PIK3AP1: variants seen among roughly 807,000 people sequenced by gnomAD.
The protein encoded by PIK3AP1 is phosphoinositide-3-kinase adaptor protein 1.
A neutral mutation model predicts 88.1 loss-of-function variants in PIK3AP1; 21 were observed. The ratio of observed to expected loss-of-function variants is 0.24; its 90% CI spans 0.17 to 0.34. The LOEUF (loss-of-function observed/expected upper bound fraction) is 0.34. PIK3AP1 is among the 10% of genes least tolerant of loss of function. The probability of loss-of-function intolerance (pLI) is 1.00; values close to 1 mark genes in which losing one functional copy is unlikely to be tolerated. For synonymous variants in PIK3AP1, 398 were observed against 400.0 expected, an observed-to-expected ratio of 1.00 and a Z score of 0.06; for missense variants, 828 against 1,035.7, an observed-to-expected ratio of 0.80 and a Z score of 2.75.
intron 8 of PIK3AP1, 44 bp downstream of exon 8, chr10:96,645,429 T>C (rs1026436264): frequency 4.1e-5 from 65 of 1,592,970 alleles, no homozygotes; most frequent in Non-Finnish European, 5.5e-5. Flanking sequence ...AAAAAGCTGT[T>C]TCTCAGCAGA....
chr10:96,711,995 C>G (rs972279806), intron 1 of PIK3AP1, among the ~76,000 whole-genome samples: 9 of 151,796 alleles, frequency 5.9e-5, no homozygotes, highest in Non-Finnish European at 1.5e-5. Context: ...ACCTCGTGAT[C>G]CACCCACCTC....
At chr10:96,631,444 A>G (rs1176373422) in intron 8 of PIK3AP1, among the ~76,000 whole-genome samples, 1 of 152,216 alleles carries the variant, frequency 6.6e-6, no homozygotes, top group Non-Finnish European at 1.5e-5. Context: ...GAATTTAGGG[A>G]AATAAAATGT....
At chr10:96,599,963 C>T (rs774847199) in intron 16 of PIK3AP1, among the ~76,000 whole-genome samples, 10 of 152,056 alleles carry the variant, frequency 6.6e-5, no homozygotes, top group South Asian at 2.1e-4. Context: ...CCTGTTTCCC[C>T]GGTTGTCTTC....
intron 2 of PIK3AP1, among the ~76,000 whole-genome samples, chr10:96,701,079 G>T (rs1844292077): frequency 6.6e-6 from 1 of 152,252 alleles, no homozygotes; most frequent in Admixed American, 6.5e-5. Flanking sequence ...CAACTTGAAG[G>T]CTTTTTCAAA....
chr10:96,717,589 A>G (rs1020254904), intron 1 of PIK3AP1, among the ~76,000 whole-genome samples: 3 of 152,218 alleles, frequency 2.0e-5, no homozygotes, highest in African/African-American at 7.2e-5. Flanking sequence ...AGTCCCTTCA[A>G]GCTCCATGGT....
In PIK3AP1 at chr10:96,690,582, C is replaced by T. The variant is rs1048166111; in HGVS notation, c.430+18985G>A. 4.6e-5 allele frequency among the ~76,000 whole-genome samples: 7 copies of T among 152,244 alleles called. No individual in the cohort carries two copies. In the South Asian group the frequency reaches 8.3e-4, roughly 18 times the overall value. On this transcript the variant is annotated intron_variant, in intron 2 of 16. Transcript: ENST00000339364. The stretch of plus-strand genomic sequence containing the variant: ...CCCAAAAGTCCAAAATTAAACACTC[C>T]CCGTTCTTTCTCTATTCCTCAGGCC...
intron 11 of PIK3AP1, among the ~76,000 whole-genome samples, chr10:96,622,088 G>A (rs1843091903): frequency 6.6e-6 from 1 of 152,232 alleles, no homozygotes; most frequent in Non-Finnish European, 1.5e-5. Flanking sequence ...GCAGCATGAG[G>A]CACAGTGATT....
At chr10:96,687,272 AAAAAAAAAAAAAAG>A (rs1455362208) in intron 2 of PIK3AP1, among the ~76,000 whole-genome samples, 15 of 149,194 alleles carry the variant, frequency 1.0e-4, no homozygotes, top group African/African-American at 3.5e-4. Flanking sequence ...AAAAAAAAAA[AAAAAAAAAAAAAAG>A]AAAAAAGATC....
At chr10:96,620,633 G>C in intron 11 of PIK3AP1, 76 bp from the exon 12 acceptor site, 4 of 1,290,392 alleles carry the variant, frequency 3.1e-6, no homozygotes, top group Non-Finnish European at 4.4e-6. Flanking sequence ...GGTTAATGAG[G>C]CTGGTCACAG....
chr10:96,627,537 G>A (rs1449829580), intron 9 of PIK3AP1, among the ~76,000 whole-genome samples: 1 of 152,184 alleles, frequency 6.6e-6, no homozygotes, highest in Admixed American at 6.5e-5. Flanking sequence ...CCAGGCTGTG[G>A]TTTGTCTACC....
In PIK3AP1 at chr10:96,652,755, A is replaced by T. The variant is rs1433385344; in HGVS notation, c.655T>A (p.Ser219Thr). The T allele has an allele frequency of 1.2e-6, 2 of 1,614,022 alleles. No homozygotes were observed. The highest frequency in any genetic ancestry group is 2.2e-5 in the South Asian group (2 of 91,084). ...TCCACCTTGGCTTCCATCCTTACAG[A>T]GGGAGAATCCTCAGGAGAAAACTCT... Reference protein sequence around the residue: ...EAEFSPEDSPSVRMEAKVENE... With the variant: ...EAEFSPEDSPTVRMEAKVENE... The change falls in exon 4 of 17, where the codon TCT becomes ACT. Residue 219 changes from serine (S) to threonine (T), a missense_variant. Physicochemically the swap from Ser to Thr is moderately conservative, Grantham distance 58 (BLOSUM62 1). Coordinates refer to ENST00000339364, the MANE Select transcript of PIK3AP1 (RefSeq NM_152309.3).
At chr10:96,654,011 TCCTG>T (rs1455590061) in intron 3 of PIK3AP1, among the ~76,000 whole-genome samples, 1 of 152,140 alleles carries the variant, frequency 6.6e-6, no homozygotes, top group African/African-American at 2.4e-5. Flanking sequence ...CTCAGGCCCC[TCCTG>T]GCCCCACTGA....
At chr10:96,654,078 G>A (rs1210909062) in intron 3 of PIK3AP1, among the ~76,000 whole-genome samples, 1 of 152,148 alleles carries the variant, frequency 6.6e-6, no homozygotes, top group African/African-American at 2.4e-5. Context: ...GCACTTTGCA[G>A]CCTGAGAGAA....
intron 14 of PIK3AP1, among the ~76,000 whole-genome samples, chr10:96,607,511 T>C (rs912486): frequency 0.83 from 126,602 of 152,062 alleles, 52,843 homozygotes; most frequent in East Asian, 0.99. Context: ...CTAGTCAACC[T>C]CCCGCCCAGG....
chr10:96,700,580 A>G (rs1844284199), intron 2 of PIK3AP1, among the ~76,000 whole-genome samples: 1 of 152,194 alleles, frequency 6.6e-6, no homozygotes, highest in South Asian at 2.1e-4. Context: ...AAAGGAAGAG[A>G]AAAAGAAAGC....
chr10:96,684,729 A>G (rs1014803658), intron 2 of PIK3AP1, among the ~76,000 whole-genome samples: 2 of 152,252 alleles, frequency 1.3e-5, no homozygotes, highest in Non-Finnish European at 2.9e-5. Context: ...GTTGGAAAAG[A>G]TAAGAGCCAA....
Position 96,679,864 on chromosome 10 carries a change from G to A in PIK3AP1, c.431-22930C>T, listed in dbSNP as rs1016513552. 2.6e-5 allele frequency among the ~76,000 whole-genome samples: 4 copies of A among 152,222 alleles called. No individual in the cohort carries two copies. The East Asian group carries it at 7.7e-4, about 29-fold the overall frequency. ...GAGGAAAAGAGAAAAATATTCCCAC[G>A]AGCATGGAACAGAAACTCTTCCCTT... On this transcript the variant is annotated intron_variant, in intron 2 of 16. Transcript: ENST00000339364.
chr10:96,691,234 C>A (rs1195415275), intron 2 of PIK3AP1, among the ~76,000 whole-genome samples: 1 of 152,202 alleles, frequency 6.6e-6, no homozygotes, highest in African/African-American at 2.4e-5. Context: ...TCCCCACTCT[C>A]CCCACCTCCC....
intron 7 of PIK3AP1, among the ~76,000 whole-genome samples, chr10:96,648,226 C>T (rs1843487357): frequency 6.6e-6 from 1 of 152,166 alleles, no homozygotes; most frequent in Non-Finnish European, 1.5e-5. Context: ...GAGCATCCCA[C>T]CATGGTGCCC....
Sources: allele counts gnomAD v4.1 joint callset (sites outside exome capture counted in the v4.1 genomes callset), GRCh38; gene constraint gnomAD v4.1.1; transcripts MANE v1.5; gene names NCBI Gene and HGNC (gene_info 2026-07-23, HGNC 2026-07-21).